FAM114A1: variants seen among roughly 807,000 people sequenced by gnomAD.
FAM114A1 encodes protein NOXP20.
In FAM114A1, 62 loss-of-function variants were observed where a neutral mutation model predicts 64.3. The ratio of observed to expected loss-of-function variants is 0.96; its 90% CI spans 0.79 to 1.19. The LOEUF (loss-of-function observed/expected upper bound fraction) is 1.19. Among genes scored for constraint, FAM114A1 ranks in the 50% most tolerant of loss-of-function variants. The pLI, the probability that FAM114A1 is intolerant of heterozygous loss-of-function variation, is 0.00. For missense variants in FAM114A1, 645 were observed against 676.3 expected (o/e 0.95, Z 0.51); for synonymous variants, 254 against 251.1 (o/e 1.01, Z -0.11).
intron 3 of FAM114A1, among the ~76,000 whole-genome samples, chr4:38,890,047 T>G (rs1291902142): frequency 6.6e-6 from 1 of 151,730 alleles, no homozygotes; most frequent in African/African-American, 2.4e-5. Flanking sequence ...CAAAAACTTT[T>G]CCATTTATAT....
chr4:38,909,929 C>T (rs565260928), intron 7 of FAM114A1, among the ~76,000 whole-genome samples: 31 of 152,250 alleles, frequency 2.0e-4, no homozygotes, highest in South Asian at 4.1e-4. Flanking sequence ...CACCCTGCTG[C>T]TCCTTGAAAA....
rs1160786543 is a variant in FAM114A1 at position 38,877,970 on chromosome 4, A to C, written c.-8-101A>C. 5 of 1,053,660 alleles carry C rather than the reference A, an allele frequency of 4.7e-6. No homozygotes were observed. In the Admixed American group the frequency reaches 1.2e-4, roughly 25 times the overall value. 65.3% of individuals were successfully genotyped at this position (1,053,660 alleles called of 1,614,324 possible). ...CAAGAGCGAAACTCCGTCTCAAAAAAAAAAAAAAAGTTTTCCCCTACCAGA... is the reference window on the plus strand; with the variant it reads ...CAAGAGCGAAACTCCGTCTCAAAAACAAAAAAAAAGTTTTCCCCTACCAGA... On this transcript the variant is annotated intron_variant, in intron 2 of 14. Transcript: ENST00000358869.
chr4:38,909,940 A>G (rs1381146427), intron 7 of FAM114A1, among the ~76,000 whole-genome samples: 3 of 152,206 alleles, frequency 2.0e-5, no homozygotes, highest in Non-Finnish European at 4.4e-5. Flanking sequence ...TCCTTGAAAA[A>G]GAAAATAGAT....
chr4:38,871,086 C>CTTTTTTTTTTTTTTTTT (rs9306968), intron 2 of FAM114A1, among the ~76,000 whole-genome samples: 13 of 94,028 alleles, frequency 1.4e-4, no homozygotes, highest in Non-Finnish European at 2.4e-4. Context: ...TTTTTTCTTT[C>CTTTTTTTTTTTTTTTTT]TTTTTTTTTT....
At position 38,932,250 on chromosome 4, in the gene FAM114A1, T is replaced by A. The variant is rs1720706502; in HGVS notation, c.1339T>A (p.Ser447Thr). ...TKTIEEVYMS[S>T]IESLAEVTAR... ...TTCATTTCAGGAAGTATACATGTCG[T>A]CCATTGAAAGTCTGGCGGAGGTAAC... The change falls in exon 12 of 15, where the codon TCC becomes ACC. Residue 447 changes from serine (S) to threonine (T), a missense_variant. By Grantham distance (58) the Ser-to-Thr change is moderately conservative. Transcript: ENST00000358869. The A allele has an allele frequency of 6.2e-7, 1 of 1,604,596 alleles. No individual in the cohort carries two copies. The highest frequency in any genetic ancestry group is 1.8e-5 in the Admixed American group (1 of 56,674).
intron 3 of FAM114A1, among the ~76,000 whole-genome samples, chr4:38,889,391 A>G (rs1716109493): frequency 6.6e-6 from 1 of 152,200 alleles, no homozygotes; most frequent in African/African-American, 2.4e-5. Flanking sequence ...GTTTCCAGAC[A>G]GAAAGAAAAA....
intron 3 of FAM114A1, 70 bp downstream of exon 3, chr4:38,878,496 C>G: frequency 7.2e-7 from 1 of 1,385,816 alleles, no homozygotes; most frequent in Non-Finnish European, 9.8e-7. Context: ...AGAGCTAGCA[C>G]CAAGCTCTGT....
intron 2 of FAM114A1, among the ~76,000 whole-genome samples, chr4:38,875,077 C>A (rs917663835): frequency 6.6e-6 from 1 of 152,100 alleles, no homozygotes; most frequent in Admixed American, 6.6e-5. Context: ...GTTACTATAA[C>A]CTTGTAGTAT....
chr4:38,916,806 A>G lies in FAM114A1; in HGVS notation c.945+1733A>G, dbSNP rs866807510. On this transcript the variant is annotated intron_variant, in intron 8 of 14. Transcript: ENST00000358869. ...ACATGTATCCCAGAACTTAAGTATAATAATTAAAAAATATATGAAGGTGCC... is the reference window on the plus strand; with the variant it reads ...ACATGTATCCCAGAACTTAAGTATAGTAATTAAAAAATATATGAAGGTGCC... Among the ~76,000 whole-genome samples, 3 of 152,298 alleles carry G rather than the reference A, an allele frequency of 2.0e-5. No individual in the cohort carries two copies. In the South Asian group the frequency reaches 6.2e-4, roughly 32 times the overall value.
At chr4:38,890,422 A>C (rs534188841) in intron 3 of FAM114A1, among the ~76,000 whole-genome samples, 3 of 151,786 alleles carry the variant, frequency 2.0e-5, no homozygotes, top group South Asian at 2.1e-4. Context: ...ACAAAAAAAA[A>C]CAGCAAGGGA....
chr4:38,920,214 A>T (rs1303387835), intron 8 of FAM114A1, among the ~76,000 whole-genome samples: 1 of 152,142 alleles, frequency 6.6e-6, no homozygotes, highest in South Asian at 2.1e-4. Flanking sequence ...TCAAAAAAAA[A>T]AAAGAACAGA....
intron 8 of FAM114A1, among the ~76,000 whole-genome samples, chr4:38,919,403 A>G (rs1440836260): frequency 2.0e-5 from 3 of 152,166 alleles, no homozygotes; most frequent in African/African-American, 7.2e-5. Flanking sequence ...TTCAAGCTCC[A>G]GCCATACCCC....
chr4:38,937,467 A>G (rs145929368), intron 13 of FAM114A1, among the ~76,000 whole-genome samples: 28 of 152,266 alleles, frequency 1.8e-4, no homozygotes, highest in African/African-American at 5.8e-4. Flanking sequence ...CTCTGCTTAT[A>G]AGGACACCAG....
At chr4:38,908,222 T>A (rs1037306370) in intron 6 of FAM114A1, among the ~76,000 whole-genome samples, 3 of 152,186 alleles carry the variant, frequency 2.0e-5, no homozygotes, top group Non-Finnish European at 2.9e-5. Context: ...AAACAGCAAT[T>A]TATTTTATGT....
At chr4:38,917,252 C>T (rs1719153103) in intron 8 of FAM114A1, among the ~76,000 whole-genome samples, 2 of 151,920 alleles carry the variant, frequency 1.3e-5, no homozygotes, top group African/African-American at 4.8e-5. Flanking sequence ...GCAGGAGAAT[C>T]GCCTGAACCT....
chr4:38,910,494 A>G lies in FAM114A1; in HGVS notation c.792+1768A>G, dbSNP rs531423958. ...TGAAATGCCTTACTTCCAGCCTCACAGAGAGGGGATGTGGAAGGCAATATC... is the reference window on the plus strand; with the variant it reads ...TGAAATGCCTTACTTCCAGCCTCACGGAGAGGGGATGTGGAAGGCAATATC... On this transcript the variant is annotated intron_variant, in intron 7 of 14. Transcript: ENST00000358869. Among the ~76,000 whole-genome samples, 8 of 152,270 alleles carry G rather than the reference A, an allele frequency of 5.3e-5. No homozygotes were observed. In the South Asian group the frequency reaches 1.7e-3, roughly 32 times the overall value.
In FAM114A1 at chr4:38,929,302, A is replaced by T. The variant is rs557486959; in HGVS notation, c.1130A>T (p.His377Leu). 4 of 1,613,874 alleles carry T rather than the reference A, an allele frequency of 2.5e-6. No individual in the cohort carries two copies. Among genetic ancestry groups the T allele is most frequent in the Non-Finnish European group, 3.4e-6 (4 of 1,179,900 alleles). Residue 377 changes from histidine to leucine, a missense_variant, in exon 10 of 15, where the codon CAT becomes CTT. Coordinates refer to ENST00000358869, the MANE Select transcript of FAM114A1 (RefSeq NM_138389.4). ...RMLTELLFEL[H>L]VAATPDKLNK... Reference sequence around the variant, plus strand: ...CTTACAGAGCTTCTCTTTGAATTACATGTGGCGGCCACACCTGACAAACTC... The same window carrying T: ...CTTACAGAGCTTCTCTTTGAATTACTTGTGGCGGCCACACCTGACAAACTC...
chr4:38,872,872 A>C (rs751854986), intron 2 of FAM114A1, among the ~76,000 whole-genome samples: 14 of 152,238 alleles, frequency 9.2e-5, no homozygotes, highest in Non-Finnish European at 1.8e-4. Context: ...TCTCTGGTCC[A>C]ATAAAACTGT....
chr4:38,885,197 A>T (rs1715676782), intron 3 of FAM114A1, among the ~76,000 whole-genome samples: 1 of 150,756 alleles, frequency 6.6e-6, no homozygotes, highest in African/African-American at 2.4e-5. Flanking sequence ...CTGGTCTTGA[A>T]CTCCTGACCT....
Sources: allele counts gnomAD v4.1 joint callset (sites outside exome capture counted in the v4.1 genomes callset), GRCh38; gene constraint gnomAD v4.1.1; transcripts MANE v1.5; gene names NCBI Gene and HGNC (gene_info 2026-07-23, HGNC 2026-07-21).